The following RAD51B variants were observed in gnomAD, a reference collection of about 807,000 sequenced individuals.
RAD51B encodes RAD51 paralog B.
In RAD51B, 38 loss-of-function variants were observed where a neutral mutation model predicts 42.2. That is an observed-to-expected ratio of 0.90 (90% CI 0.70 to 1.18). RAD51B has a LOEUF of 1.18. Ranked by LOEUF, RAD51B falls within the 50% of genes most tolerant of loss-of-function variation. The pLI is 0.00. For synonymous variants in RAD51B, 154 were observed against 145.2 expected (o/e 1.06, Z -0.43); for missense variants, 373 against 400.7 (o/e 0.93, Z 0.59).
At chr14:68,337,129 A>G (rs958371561) in intron 8 of RAD51B, among the ~76,000 whole-genome samples, 1 of 152,090 alleles carries the variant, frequency 6.6e-6, no homozygotes, top group Non-Finnish European at 1.5e-5. Context: ...TTTGGACTCA[A>G]TTTCTTCCTG....
At chr14:68,049,007 A>C (rs1048497858) in intron 7 of RAD51B, among the ~76,000 whole-genome samples, 3 of 152,248 alleles carry the variant, frequency 2.0e-5, no homozygotes, top group Non-Finnish European at 2.9e-5. Flanking sequence ...GCACATTTAC[A>C]TCATGGAATA....
At chr14:68,561,427 T>C (rs1889141772) in intron 10 of RAD51B, among the ~76,000 whole-genome samples, 2 of 152,272 alleles carry the variant, frequency 1.3e-5, no homozygotes, top group South Asian at 4.1e-4. Context: ...AAATACAGCT[T>C]AATTCTACAG....
intron 7 of RAD51B, among the ~76,000 whole-genome samples, chr14:68,056,551 C>A (rs1042052323): frequency 5.9e-5 from 9 of 151,750 alleles, no homozygotes; most frequent in Non-Finnish European, 1.3e-4. Context: ...GAGTTTGAGA[C>A]CAACCTGGGC....
At position 68,175,475 on chromosome 14, in the gene RAD51B, G is replaced by A. The variant is rs190257617; in HGVS notation, c.757-116409G>A. On this transcript the variant is annotated intron_variant, in intron 7 of 10. Coordinates refer to ENST00000471583, the MANE Select transcript of RAD51B (RefSeq NM_133510.4). Reference sequence around the variant, plus strand: ...CTACCTCACAAGCATAGCTGGCTGGGGATAGTCTTTAGGTGGAAAATAGCT... The same window carrying A: ...CTACCTCACAAGCATAGCTGGCTGGAGATAGTCTTTAGGTGGAAAATAGCT... 5.3e-5 allele frequency among the ~76,000 whole-genome samples: 8 copies of A among 152,198 alleles called. No individual in the cohort carries two copies. The East Asian group carries it at 1.5e-3, about 29-fold the overall frequency.
At chr14:68,556,059 G>A (rs1888827381) in intron 10 of RAD51B, among the ~76,000 whole-genome samples, 1 of 152,218 alleles carries the variant, frequency 6.6e-6, no homozygotes, top group South Asian at 2.1e-4. Flanking sequence ...CCTATTATGA[G>A]CCAAGTCACT....
At chr14:68,134,616 AT>A (rs1375589488) in intron 7 of RAD51B, among the ~76,000 whole-genome samples, 1 of 152,048 alleles carries the variant, frequency 6.6e-6, no homozygotes, top group Non-Finnish European at 1.5e-5. Context: ...TTTAAATGCC[AT>A]TTTTGATAGG....
Position 68,209,507 on chromosome 14 carries a change from C to T in RAD51B, c.757-82377C>T, listed in dbSNP as rs117118302. 6.1e-3 allele frequency among the ~76,000 whole-genome samples: 929 copies of T among 152,280 alleles called. 4 individuals are homozygous for T. Among genetic ancestry groups the T allele is most frequent in the Non-Finnish European group, 9.7e-3 (658 of 68,022 alleles). ...TTCCCTTCTAGAAGATGAGTTTTTC[C>T]ATGAGCATTTTAAAATTTTCTTTGT... On this transcript the variant is annotated intron_variant, in intron 7 of 10. Transcript: ENST00000471583.
chr14:68,675,128 G>A (rs1595059103), intron 11 of RAD51B, among the ~76,000 whole-genome samples: 1 of 152,178 alleles, frequency 6.6e-6, no homozygotes, highest in Non-Finnish European at 1.5e-5. Context: ...GAGAAGCAAA[G>A]GAGAGAGAGG....
In RAD51B at chr14:68,469,397, C is replaced by T. The variant is rs564289601; in HGVS notation, c.1036+1147C>T. On this transcript the variant is annotated intron_variant, in intron 10 of 10. Coordinates refer to ENST00000471583, the MANE Select transcript of RAD51B (RefSeq NM_133510.4). ...TCTGCTTCTTAATGGACTCACAAAG[C>T]GGCATGTTTGTTTGGTGCAGCTGAG... Among the ~76,000 whole-genome samples the T allele has an allele frequency of 4.7e-4, 71 of 152,322 alleles. 1 individual carries two copies. In the South Asian group the frequency reaches 0.012, roughly 26 times the overall value.
intron 10 of RAD51B, among the ~76,000 whole-genome samples, chr14:68,487,379 G>A (rs370956156): frequency 2.0e-5 from 3 of 152,144 alleles, no homozygotes; most frequent in South Asian, 4.1e-4. Flanking sequence ...TATTTTCTGT[G>A]TATCCATTGT....
intron 7 of RAD51B, among the ~76,000 whole-genome samples, chr14:67,981,457 GC>G (rs2075091829): frequency 6.6e-6 from 1 of 152,116 alleles, no homozygotes; most frequent in Admixed American, 6.6e-5. Flanking sequence ...ATGTCAGTTA[GC>G]TTTTTACCCA....
intron 7 of RAD51B, among the ~76,000 whole-genome samples, chr14:68,266,252 T>G (rs2080989889): frequency 6.6e-6 from 1 of 152,260 alleles, no homozygotes; most frequent in African/African-American, 2.4e-5. Context: ...CAGAGTTTTA[T>G]GTGACACTGA....
intron 7 of RAD51B, among the ~76,000 whole-genome samples, chr14:68,250,143 A>G (rs2080590866): frequency 6.6e-6 from 1 of 152,182 alleles, no homozygotes. Context: ...CCACTTTTGT[A>G]TTTAGCATCC....
chr14:68,514,491 T>C lies in RAD51B; in HGVS notation c.1036+46241T>C, dbSNP rs541087926. On this transcript the variant is annotated intron_variant, in intron 10 of 10. Coordinates refer to the RAD51B transcript ENST00000487270. ...TGCTCTGACGCTCTGAAAGACATCA[T>C]GCCTTGGGTTCCCCAGCTCCAGGCC... Among the ~76,000 whole-genome samples, 57 of 152,348 alleles carry C rather than the reference T, an allele frequency of 3.7e-4. 1 individual carries two copies. The highest frequency in any genetic ancestry group is 3.9e-4 in the East Asian group (2 of 5,190).
chr14:67,820,639 A>G (rs1178821677), intron 1 of RAD51B, among the ~76,000 whole-genome samples: 2 of 152,156 alleles, frequency 1.3e-5, no homozygotes, highest in African/African-American at 4.8e-5. Context: ...GAAGTTGATG[A>G]GAACATTGGA....
chr14:67,986,413 G>A lies in RAD51B; in HGVS notation c.756+99209G>A, dbSNP rs559200465. Reference sequence around the variant, plus strand: ...CTTGAAGGAAATTGGATACTCCAAAGTATAATATAATATGGAACATGCACT... The same window carrying A: ...CTTGAAGGAAATTGGATACTCCAAAATATAATATAATATGGAACATGCACT... On this transcript the variant is annotated intron_variant, in intron 7 of 10. Transcript: ENST00000471583. Among the ~76,000 whole-genome samples, 5 of 152,262 alleles carry A rather than the reference G, an allele frequency of 3.3e-5. No homozygotes were observed. The East Asian group carries it at 9.6e-4, about 29-fold the overall frequency.
intron 5 of RAD51B, among the ~76,000 whole-genome samples, chr14:67,881,208 G>A (rs751111469): frequency 1.3e-5 from 2 of 152,150 alleles, no homozygotes; most frequent in Admixed American, 6.5e-5. Flanking sequence ...CTGAAATGTC[G>A]TTATGCAGCA....
chr14:68,103,574 T>TA (rs1215073460), intron 7 of RAD51B, among the ~76,000 whole-genome samples: 2 of 152,246 alleles, frequency 1.3e-5, no homozygotes, highest in African/African-American at 4.8e-5. Flanking sequence ...TATTTCGTTA[T>TA]AATGTTTATG....
chr14:68,478,785 C>A (rs183170996), downstream of RAD51B, among the ~76,000 whole-genome samples: 1 of 152,318 alleles, frequency 6.6e-6, no homozygotes, highest in Admixed American at 6.5e-5. Context: ...GAGTGCTGTG[C>A]ACCAAGTAGG....
Sources: gnomAD v4.1 joint callset for allele counts (sites outside exome capture counted in the v4.1 genomes callset) on GRCh38, gnomAD v4.1.1 for gene constraint, MANE v1.5 for transcripts, NCBI Gene and HGNC (gene_info 2026-07-23, HGNC 2026-07-21) for gene names.